Variants in CSMD1 observed in about 807,000 individuals in gnomAD.
CSMD1 encodes CUB and Sushi multiple domains 1, also known as CUB and sushi domain-containing protein 1.
Under a neutral mutation model 417.5 loss-of-function variants are expected in CSMD1, and 213 were observed. The ratio of observed to expected loss-of-function variants is 0.51; its 90% CI spans 0.46 to 0.57. The LOEUF (loss-of-function observed/expected upper bound fraction) is 0.57. CSMD1 is among the 20% of genes least tolerant of loss of function. The pLI is 0.00. For missense variants in CSMD1, 6,923 were observed against 4,529.7 expected (o/e 1.53, Z -15.17); for synonymous variants, 2,862 against 1,736.8 (o/e 1.65, Z -16.11).
Position 3,214,680 on chromosome 8 carries a change from C to T in CSMD1, c.4684G>A (p.Glu1562Lys), listed in dbSNP as rs1457119718. ...ATATTTCCTGGGTCAAAACAAGCTT[C>T]CCGTGGTTTCTCTGTGGAAGAAATG... ...FAIEFKEKPR[E>K]ACFDPGNIMN... Residue 1562 changes from glutamate (E) to lysine (K), a missense_variant, in exon 30 of 70, where the codon GAA (glutamate) becomes AAA (lysine). Transcript: ENST00000635120. 2 of 1,550,336 alleles carry T rather than the reference C, an allele frequency of 1.3e-6. No homozygotes were observed. Among genetic ancestry groups the T allele is most frequent in the South Asian group, 1.2e-5 (1 of 83,772 alleles).
intron 1 of CSMD1, among the ~76,000 whole-genome samples, chr8:4,765,585 C>G (rs531612510): frequency 6.6e-6 from 1 of 152,306 alleles, no homozygotes; most frequent in East Asian, 1.9e-4. Context: ...ATGGACAATG[C>G]TATCAACCTC....
chr8:3,967,052 A>G (rs1812723189), intron 5 of CSMD1, among the ~76,000 whole-genome samples: 1 of 152,206 alleles, frequency 6.6e-6, no homozygotes, highest in African/African-American at 2.4e-5. Context: ...GGTAATCCAG[A>G]TATTGAAATC....
At chr8:4,732,291 C>A (rs571343222) in intron 1 of CSMD1, among the ~76,000 whole-genome samples, 2 of 151,228 alleles carry the variant, frequency 1.3e-5, no homozygotes, top group Non-Finnish European at 2.9e-5. Context: ...ATTCTAGAAA[C>A]CTTAATGTTA....
chr8:4,397,493 C>T (rs1244753519), intron 3 of CSMD1, among the ~76,000 whole-genome samples: 2 of 147,460 alleles, frequency 1.4e-5, no homozygotes, highest in Non-Finnish European at 3.0e-5. Context: ...CTTCTGTGTG[C>T]CCATGAGCAA....
At chr8:4,740,846 G>C (rs916929590) in intron 1 of CSMD1, among the ~76,000 whole-genome samples, 1 of 152,112 alleles carries the variant, frequency 6.6e-6, no homozygotes, top group East Asian at 1.9e-4. Flanking sequence ...TAAAGAACAC[G>C]AACTTTAACG....
rs558427951 is a variant in CSMD1, at chr8:4,405,084, T to A, written c.415+14869A>T. On this transcript the variant is annotated intron_variant, in intron 3 of 69. Transcript: ENST00000635120. ...TCTCAAATCAATGCTGCATCCATGGTACAGCGTTCAGAAGAGATTTTCAGA... is the reference window on the plus strand; with the variant it reads ...TCTCAAATCAATGCTGCATCCATGGAACAGCGTTCAGAAGAGATTTTCAGA... 3.3e-5 allele frequency among the ~76,000 whole-genome samples: 5 copies of A among 152,350 alleles called. No individual in the cohort carries two copies. The East Asian group carries it at 9.7e-4, about 29-fold the overall frequency.
chr8:4,631,088 T>C (rs534725689), intron 2 of CSMD1, among the ~76,000 whole-genome samples: 1 of 152,126 alleles, frequency 6.6e-6, no homozygotes, highest in South Asian at 2.1e-4. Context: ...GAAGGCCAGG[T>C]GCGGTGGCTC....
chr8:3,868,910 A>T (rs62482688), intron 5 of CSMD1, among the ~76,000 whole-genome samples: 12,214 of 152,092 alleles, frequency 0.08, 544 homozygotes, highest in South Asian at 0.15. Flanking sequence ...TCTTTCCAAC[A>T]TCCTCCCTGG....
chr8:3,976,422 T>C (rs1207412553), intron 5 of CSMD1, among the ~76,000 whole-genome samples: 1 of 152,218 alleles, frequency 6.6e-6, no homozygotes, highest in Non-Finnish European at 1.5e-5. Context: ...ATGAGCTTCA[T>C]CAAGGAAAGC....
At chr8:3,008,882 C>A (rs1808166228) in intron 52 of CSMD1, among the ~76,000 whole-genome samples, 1 of 152,154 alleles carries the variant, frequency 6.6e-6, no homozygotes, top group African/African-American at 2.4e-5. Flanking sequence ...GGCCGATTTA[C>A]CTTCACATCA....
intron 5 of CSMD1, among the ~76,000 whole-genome samples, chr8:3,987,587 G>C (rs1478239795): frequency 6.6e-6 from 1 of 152,186 alleles, no homozygotes; most frequent in African/African-American, 2.4e-5. Context: ...TTAATTCCTC[G>C]TTCTTCTCAC....
At position 3,658,381 on chromosome 8, in the gene CSMD1, T is replaced by A. The variant is rs550403079; in HGVS notation, c.1010-41584A>T. Among the ~76,000 whole-genome samples the A allele has an allele frequency of 1.4e-4, 21 of 151,320 alleles. No individual in the cohort carries two copies. In the South Asian group the frequency reaches 4.2e-3, roughly 30 times the overall value. On this transcript the variant is annotated intron_variant, in intron 7 of 69. Transcript: ENST00000635120. ...TGTAATAAGAATTACTCTTTTTATT[T>A]GTAAATCATCCCAATCTTAAAAGTA...
At chr8:3,800,760 T>A (rs1300949558) in intron 5 of CSMD1, among the ~76,000 whole-genome samples, 3 of 152,090 alleles carry the variant, frequency 2.0e-5, no homozygotes, top group African/African-American at 7.2e-5. Flanking sequence ...GTAGTTTGTT[T>A]TTAAGCAAAT....
At chr8:3,728,606 G>C (rs953363963) in intron 6 of CSMD1, among the ~76,000 whole-genome samples, 1 of 152,154 alleles carries the variant, frequency 6.6e-6, no homozygotes, top group Non-Finnish European at 1.5e-5. Context: ...CAAAGAAAAA[G>C]GGCATCTGTG....
At chr8:4,327,119 A>C (rs1206747718) in intron 3 of CSMD1, among the ~76,000 whole-genome samples, 1 of 152,186 alleles carries the variant, frequency 6.6e-6, no homozygotes, top group Non-Finnish European at 1.5e-5. Flanking sequence ...ATCCAGCTGT[A>C]ATATCTGTTA....
intron 1 of CSMD1, among the ~76,000 whole-genome samples, chr8:4,765,080 G>C (rs935218636): frequency 1.1e-4 from 17 of 152,158 alleles, no homozygotes; most frequent in South Asian, 6.2e-4. Context: ...TGAGGAACAG[G>C]TATGCAACGC....
chr8:4,091,345 T>C (rs1302520625), intron 3 of CSMD1, among the ~76,000 whole-genome samples: 1 of 152,350 alleles, frequency 6.6e-6, no homozygotes, highest in African/African-American at 2.4e-5. Context: ...GATTCCATCA[T>C]TGAATTTGAA....
At chr8:4,899,426 T>G (rs1303293753) in intron 1 of CSMD1, among the ~76,000 whole-genome samples, 1 of 152,194 alleles carries the variant, frequency 6.6e-6, no homozygotes, top group Non-Finnish European at 1.5e-5. Context: ...CAGGAAGTAT[T>G]TTAGGTAATT....
intron 10 of CSMD1, among the ~76,000 whole-genome samples, chr8:3,495,523 C>G (rs917809942): frequency 1.3e-5 from 2 of 152,310 alleles, no homozygotes; most frequent in East Asian, 1.9e-4. Flanking sequence ...AGTATTTCAT[C>G]TCAACAATCA....
Sources: allele counts gnomAD v4.1 joint callset (sites outside exome capture counted in the v4.1 genomes callset), GRCh38; gene constraint gnomAD v4.1.1; transcripts MANE v1.5; gene names NCBI Gene and HGNC (gene_info 2026-07-23, HGNC 2026-07-21).